Variants in LNP1 observed in about 807,000 individuals in gnomAD.
LNP1 encodes the protein leukemia NUP98 fusion partner 1.
LNP1 carries 12 observed loss-of-function variants against 14.5 expected under a neutral mutation model. The observed-to-expected ratio is 0.83, with a 90% CI of 0.53 to 1.34. LNP1 has a LOEUF of 1.34. Ranked by LOEUF, LNP1 falls within the 40% of genes most tolerant of loss-of-function variation. The pLI, the probability that LNP1 is intolerant of heterozygous loss-of-function variation, is 0.00. For missense variants in LNP1, 198 were observed against 210.9 expected (o/e 0.94, Z 0.38); for synonymous variants, 75 against 71.4 (o/e 1.05, Z -0.26).
intron 1 of LNP1, among the ~76,000 whole-genome samples, chr3:100,414,353 C>T (rs1707059970): frequency 6.6e-6 from 1 of 152,008 alleles, no homozygotes; most frequent in Admixed American, 6.6e-5. Flanking sequence ...TTGAGACCAG[C>T]CTGGACAACA....
intron 2 of LNP1, among the ~76,000 whole-genome samples, chr3:100,448,999 A>G (rs188082923): frequency 4.4e-4 from 67 of 152,384 alleles, no homozygotes; most frequent in African/African-American, 1.6e-3. Flanking sequence ...CAAAACTTAC[A>G]TTATCAGATA....
intron 2 of LNP1, among the ~76,000 whole-genome samples, chr3:100,431,041 C>T (rs942983906): frequency 1.3e-5 from 2 of 152,218 alleles, no homozygotes; most frequent in South Asian, 2.1e-4. Context: ...TATTGCCTCT[C>T]ATTTTAATAT....
chr3:100,406,093 C>G (rs887220062), intron 1 of LNP1, among the ~76,000 whole-genome samples: 2 of 152,174 alleles, frequency 1.3e-5, no homozygotes, highest in African/African-American at 4.8e-5. Flanking sequence ...CAAGATCAGG[C>G]TGACCAACAT....
At chr3:100,441,069 G>T (rs1410056723) in intron 2 of LNP1, among the ~76,000 whole-genome samples, 1 of 152,192 alleles carries the variant, frequency 6.6e-6, no homozygotes, top group Non-Finnish European at 1.5e-5. Context: ...AGGAAAGATA[G>T]AAAAGGAAGA....
chr3:100,442,174 A>T (rs1707349971), intron 2 of LNP1, among the ~76,000 whole-genome samples: 1 of 152,132 alleles, frequency 6.6e-6, no homozygotes, highest in Admixed American at 6.5e-5. Context: ...CTTTTGTTTT[A>T]GTGTTCTAAT....
At chr3:100,435,273 T>A (rs9290057) in intron 2 of LNP1, among the ~76,000 whole-genome samples, 2 of 152,120 alleles carry the variant, frequency 1.3e-5, no homozygotes, top group Admixed American at 6.5e-5. Flanking sequence ...AGAAAGGCAG[T>A]GGAGAGGAGT....
At chr3:100,431,827 T>G (rs371168177) in intron 2 of LNP1, among the ~76,000 whole-genome samples, 13 of 106,930 alleles carry the variant, frequency 1.2e-4, no homozygotes, top group African/African-American at 5.8e-4. Context: ...ACTCCGTCTC[T>G]CAAAAAAAAA....
At chr3:100,437,663 G>A (rs1707304631) in intron 2 of LNP1, among the ~76,000 whole-genome samples, 1 of 152,098 alleles carries the variant, frequency 6.6e-6, no homozygotes, top group South Asian at 2.1e-4. Flanking sequence ...TGGCTCTGAT[G>A]ATAGCATTAG....
intron 1 of LNP1, among the ~76,000 whole-genome samples, chr3:100,409,405 G>A (rs1391320346): frequency 2.0e-5 from 3 of 151,694 alleles, no homozygotes; most frequent in Non-Finnish European, 4.4e-5. Context: ...AGCACTTTGG[G>A]AGGCTGAGGC....
chr3:100,444,269 G>T (rs1707369166), intron 2 of LNP1, among the ~76,000 whole-genome samples: 1 of 152,086 alleles, frequency 6.6e-6, no homozygotes, highest in Admixed American at 6.6e-5. Context: ...TTGTCATAAA[G>T]ACACAATTGA....
intron 1 of LNP1, among the ~76,000 whole-genome samples, chr3:100,423,185 T>G (rs1707161462): frequency 6.6e-6 from 1 of 152,190 alleles, no homozygotes; most frequent in Non-Finnish European, 1.5e-5. Flanking sequence ...AAAAAAGATG[T>G]AGCAGTTTAG....
chr3:100,430,777 C>T (rs1251728097), intron 2 of LNP1, among the ~76,000 whole-genome samples: 5 of 152,182 alleles, frequency 3.3e-5, no homozygotes, highest in African/African-American at 9.7e-5. Context: ...GTCTATAAGA[C>T]ATATGAAAGT....
chr3:100,417,364 CTTTTTTCTTTTT>C (rs1286282539), intron 1 of LNP1, among the ~76,000 whole-genome samples: 2 of 83,178 alleles, frequency 2.4e-5, no homozygotes, highest in Admixed American at 1.4e-4. Context: ...TTCTTTCTTT[CTTTTTTCTTTTT>C]TTTTTTTTTT....
At chr3:100,422,618 C>G (rs1444599430) in intron 1 of LNP1, among the ~76,000 whole-genome samples, 1 of 152,120 alleles carries the variant, frequency 6.6e-6, no homozygotes, top group Admixed American at 6.6e-5. Flanking sequence ...GTTTGAAGGT[C>G]TCTTGTGTAA....
rs528638367 is a variant in LNP1, at chr3:100,423,094, C to T, written c.-33-6603C>T. On this transcript the variant is annotated intron_variant, in intron 1 of 3. Transcript: ENST00000383693. ...AGGTCATTGAATAGAACATAGCACA[C>T]AGTTTCAAGTATTTAAGCACTGCTT... 4.6e-5 allele frequency among the ~76,000 whole-genome samples: 7 copies of T among 152,100 alleles called. No individual in the cohort carries two copies. In the South Asian group the frequency reaches 1.2e-3, roughly 27 times the overall value.
chr3:100,410,002 C>T (rs867558314), intron 1 of LNP1, among the ~76,000 whole-genome samples: 1 of 141,988 alleles, frequency 7.0e-6, no homozygotes, highest in Admixed American at 7.2e-5. Flanking sequence ...TATCTATCTA[C>T]CTATTTTATC....
chr3:100,446,045 A>G (rs1029517060), intron 2 of LNP1, among the ~76,000 whole-genome samples: 8 of 152,212 alleles, frequency 5.3e-5, no homozygotes, highest in Non-Finnish European at 1.2e-4. Context: ...TATAGATTCA[A>G]TGCCATCCCC....
intron 2 of LNP1, among the ~76,000 whole-genome samples, chr3:100,443,680 G>A (rs752228372): frequency 2.4e-4 from 37 of 152,152 alleles, no homozygotes; most frequent in Non-Finnish European, 4.0e-4. Context: ...GATTTTAGTG[G>A]CTTTGTAAGT....
Position 100,429,811 on chromosome 3 carries a change from G to C in LNP1, c.82G>C (p.Glu28Gln). 6.2e-7 allele frequency: 1 copy of C among 1,613,994 alleles called. No individual in the cohort carries two copies. The highest frequency in any genetic ancestry group is 1.7e-5 in the Admixed American group (1 of 59,988). Residue 28 changes from glutamate to glutamine, a missense_variant, in exon 2 of 4, where the codon GAG becomes CAG. Physicochemically the swap from Glu to Gln is conservative, Grantham distance 29. Transcript: ENST00000383693. ...CTTCTGGGGCCACAGCTGGAGAGAG[G>C]AGGATCAGAGAGGACTCCGGGAACG... is the stretch of plus-strand genomic sequence containing the variant. Reference protein sequence around the residue: ...SSFWGHSWREEDQRGLRERHR... With the variant: ...SSFWGHSWREQDQRGLRERHR...
Sources: allele counts gnomAD v4.1 joint callset (sites outside exome capture counted in the v4.1 genomes callset), GRCh38; gene constraint gnomAD v4.1.1; transcripts MANE v1.5; gene names NCBI Gene and HGNC (gene_info 2026-07-23, HGNC 2026-07-21).